The following TROAP variants were observed in gnomAD, a reference collection of about 807,000 sequenced individuals.
TROAP encodes the protein tastin.
In TROAP, 62 loss-of-function variants were observed where a neutral mutation model predicts 83.4. That is an observed-to-expected ratio of 0.74 (90% CI 0.61 to 0.92). The LOEUF (loss-of-function observed/expected upper bound fraction) is 0.92, where lower values mean the gene tolerates loss of function less well. TROAP is among the 40% of genes least tolerant of loss of function. The pLI is 0.00. For missense variants in TROAP, 876 were observed against 985.1 expected, an observed-to-expected ratio of 0.89 and a Z score of 1.48; for synonymous variants, 352 against 386.4, an observed-to-expected ratio of 0.91 and a Z score of 1.04.
At chr12:49,325,285 A>T (rs1020913511) in intron 3 of TROAP, among the ~76,000 whole-genome samples, 1 of 150,796 alleles carries the variant, frequency 6.6e-6, no homozygotes, top group African/African-American at 2.4e-5. Context: ...CAAACTCCTG[A>T]CCACAGGTGA....
At position 49,329,755 on chromosome 12, in the gene TROAP, T is replaced by G; in HGVS notation, c.1165-102T>G. 2 of 1,503,028 alleles carry G rather than the reference T, an allele frequency of 1.3e-6. No homozygotes were observed. Among genetic ancestry groups the G allele is most frequent in the Non-Finnish European group, 1.8e-6 (2 of 1,115,618 alleles). 93.1% of individuals were successfully genotyped at this position (1,503,028 alleles called of 1,614,324 possible). ...CCTCCTAATGTACATCTAGGGCCTCTCAGTTAGGGGCTTCAATCCATTCCT... is the reference window on the plus strand; with the variant it reads ...CCTCCTAATGTACATCTAGGGCCTCGCAGTTAGGGGCTTCAATCCATTCCT... On this transcript the variant is annotated intron_variant, in intron 11 of 14. Coordinates refer to ENST00000257909, the MANE Select transcript of TROAP (RefSeq NM_005480.4). This position sits in a 1 kb window ranked among gnomAD's most constrained non-coding sequence, Gnocchi z 4.5.
In TROAP at chr12:49,325,808, G is replaced by A. The variant is rs1167415687; in HGVS notation, c.557G>A (p.Arg186Lys). 6.8e-6 allele frequency: 11 copies of A among 1,614,012 alleles called. No individual in the cohort carries two copies. The highest frequency in any genetic ancestry group is 8.5e-6 in the Non-Finnish European group (10 of 1,180,022). Reference sequence around the variant, plus strand: ...CCCACCCACCGACTGGACCCTGCCAGGGCTTCCTGCTTCTCTAGGCTGGAG... The same window carrying A: ...CCCACCCACCGACTGGACCCTGCCAAGGCTTCCTGCTTCTCTAGGCTGGAG... The part of the protein sequence containing the change: ...RTPTHRLDPA[R>K]ASCFSRLEGP... The change falls in exon 5 of 15, where the codon AGG becomes AAG. Residue 186 changes from arginine to lysine, a missense_variant. Transcript: ENST00000257909.
chr12:49,324,596 TG>T (rs1421040520), intron 3 of TROAP: 1 of 159,408 alleles, frequency 6.3e-6, no homozygotes, highest in Non-Finnish European at 1.4e-5. Context: ...TATGAACATT[TG>T]GTGACCAGGT....
At position 49,330,261 on chromosome 12, in the gene TROAP, G is replaced by T. The variant is rs960761556; in HGVS notation, c.1416G>T (p.Leu472=). Residue 472 remains leucine (L), a synonymous_variant, in exon 13 of 15, where the codon CTG becomes CTT. Transcript: ENST00000257909. ...SLDMVELQPL[L]TEISRTLNAT... is the part of the protein sequence containing the mutation. ...ATATGGTTGAACTTCAGCCCCTGCTGACTGAGATTTCTAGAACTCTGAATG... is the reference window on the plus strand; with the variant it reads ...ATATGGTTGAACTTCAGCCCCTGCTTACTGAGATTTCTAGAACTCTGAATG... 1.9e-6 allele frequency: 3 copies of T among 1,614,000 alleles called. No individual in the cohort carries two copies. The highest frequency in any genetic ancestry group is 3.3e-5 in the Admixed American group (2 of 59,992).
chr12:49,330,400 G>C lies in TROAP; in HGVS notation c.1555G>C (p.Glu519Gln). Reference sequence around the variant, plus strand: ...GGAACCACAGCCCTGCCCTCCGGCAGAGCCTGGGCCCCCAGAGGCCTTCTG... The same window carrying C: ...GGAACCACAGCCCTGCCCTCCGGCACAGCCTGGGCCCCCAGAGGCCTTCTG... The part of the protein sequence containing the change: ...CGEPQPCPPA[E>Q]PGPPEAFCRS... The change falls in exon 13 of 15, where the codon GAG becomes CAG. Residue 519 changes from glutamate to glutamine, a missense_variant. This residue lies in a region of TROAP where 689 missense variants were observed against 722.6 expected (regional missense o/e 0.95). Coordinates refer to ENST00000257909, the MANE Select transcript of TROAP (RefSeq NM_005480.4). 1.2e-6 allele frequency: 2 copies of C among 1,614,176 alleles called. No homozygotes were observed. The highest frequency in any genetic ancestry group is 1.1e-5 in the South Asian group (1 of 91,090).
Position 49,328,979 on chromosome 12 carries a change from T to C in TROAP, c.944T>C (p.Leu315Ser). 6.2e-7 allele frequency: 1 copy of C among 1,608,876 alleles called. No individual in the cohort carries two copies. ...MPSPAPVAQP[L>S]PGHVVPCPSP... ...TCCCCTGCCCCTGTGGCCCAGCCCT[T>C]GCCTGGCCATGTGGTGCCATGTCCA... Residue 315 changes from leucine to serine, a missense_variant, in exon 9 of 15, where the codon TTG becomes TCG. By Grantham distance (145) the Leu-to-Ser change is moderately radical. Around this residue, in one of 3 missense-constraint regions of TROAP, gnomAD observed 689 missense variants for 722.6 expected, o/e 0.95. Transcript: ENST00000257909.
chr12:49,325,852 C>G lies in TROAP; in HGVS notation c.601C>G (p.Arg201Gly), dbSNP rs201177020. 1.2e-6 allele frequency: 2 copies of G among 1,613,898 alleles called. No individual in the cohort carries two copies. Among genetic ancestry groups the G allele is most frequent in the South Asian group, 1.1e-5 (1 of 91,070 alleles). Residue 201 changes from arginine to glycine, a missense_variant, in exon 5 of 15, where the codon CGG (arginine) becomes GGG (glycine). This residue lies in a region of TROAP where 689 missense variants were observed against 722.6 expected (regional missense o/e 0.95). Transcript: ENST00000257909. ...GCTGGAGGGACCAGGACCTCGAGGC[C>G]GGACATTGTGCCCCCAGAGGCTACA... ...SRLEGPGPRG[R>G]TLCPQRLQAL...
In TROAP at chr12:49,323,901, C is replaced by T. The variant is rs143235641; in HGVS notation, c.201C>T (p.Gly67=). The T allele has an allele frequency of 7.4e-6, 12 of 1,613,950 alleles. No individual in the cohort carries two copies. In the African/African-American group the frequency reaches 1.6e-4, roughly 22 times the overall value. Residue 67 remains glycine (G), a synonymous_variant, in exon 3 of 15, where the codon GGC becomes GGT. Transcript: ENST00000257909. ...NIQRPLVDSA[G]PRPKARHQAE... ...AACGCCCCCTCGTTGATTCAGCAGG[C>T]CCCAGGCCGAAAGCCAGGCACCAGG...
At chr12:49,328,801 T>A in intron 8 of TROAP, 126 bp from the exon 9 acceptor site, 1 of 1,325,570 alleles carries the variant, frequency 7.5e-7, no homozygotes, top group Non-Finnish European at 1.0e-6. Flanking sequence ...GATGCGGAGC[T>A]TGCAGTGAGC....
chr12:49,323,639 C>G lies in TROAP; in HGVS notation c.31C>G (p.Leu11Val). 1 of 1,614,084 alleles carries G rather than the reference C, an allele frequency of 6.2e-7. No individual in the cohort carries two copies. MTTRQATKDPLLRGVSPTPSK... is the reference protein window; with the variant it reads MTTRQATKDPVLRGVSPTPSK... ...CACCCGGCAAGCCACGAAGGATCCC[C>G]TCCTCCGGGGTGTATCTCCTACCCC... is the stretch of plus-strand genomic sequence containing the variant. The change falls in exon 2 of 15, where the codon CTC (leucine) becomes GTC (valine). Residue 11 changes from leucine (L) to valine (V), a missense_variant. Leu to Val is a conservative substitution (Grantham distance 32). Coordinates refer to ENST00000257909, the MANE Select transcript of TROAP (RefSeq NM_005480.4).
At position 49,326,117 on chromosome 12, in the gene TROAP, C is replaced by T; in HGVS notation, c.675C>T (p.Pro225=). ...SGPSFHPSTR[P]SFQELRRETA... ...CTTCCTTTCACCCTTCCACTCGCCC[C>T]AGTTTCCAGGAGCTAAGAAGGGAGA... Residue 225 remains proline, a synonymous_variant, in exon 6 of 15, where the codon CCC becomes CCT. Transcript: ENST00000257909. The T allele has an allele frequency of 6.2e-7, 1 of 1,614,012 alleles. No individual in the cohort carries two copies. The highest frequency in any genetic ancestry group is 8.5e-7 in the Non-Finnish European group (1 of 1,180,036).
intron 6 of TROAP, 62 bp from the exon 7 acceptor site, chr12:49,326,606 G>GC: frequency 6.7e-7 from 1 of 1,494,956 alleles, no homozygotes; most frequent in Non-Finnish European, 9.1e-7. Flanking sequence ...AAAGCACTTA[G>GC]CACATGTCCA....
Position 49,328,899 on chromosome 12 carries a change from C to T in TROAP, c.892-28C>T, listed in dbSNP as rs758892719. ...ATAGGAAGACAAAGGGGGCGGGGAT[C>T]ACTCTTCCACCTTTTTCTTCTTCAC... is the stretch of plus-strand genomic sequence containing the variant. On this transcript the variant is annotated intron_variant, in intron 8 of 14. Transcript: ENST00000257909. 9.3e-6 allele frequency: 14 copies of T among 1,513,328 alleles called. No individual in the cohort carries two copies. The East Asian group carries it at 1.4e-4, about 15-fold the overall frequency. The allele number at this position is 1,513,328 out of a possible 1,614,324, so 93.7% of individuals were successfully genotyped here.
At chr12:49,328,635 C>T (rs1482972924) in intron 8 of TROAP, among the ~76,000 whole-genome samples, 5 of 151,978 alleles carry the variant, frequency 3.3e-5, no homozygotes, top group Admixed American at 1.3e-4. Flanking sequence ...GAGGCCGAGG[C>T]GGGCAGATCA....
In TROAP at chr12:49,329,651, C is replaced by T. The variant is rs1943549776; in HGVS notation, c.1164+197C>T. 3 of 981,544 alleles carry T rather than the reference C, an allele frequency of 3.1e-6. No homozygotes were observed. Among genetic ancestry groups the T allele is most frequent in the Admixed American group, 2.5e-5 (1 of 39,402 alleles). 60.8% of individuals were successfully genotyped at this position (981,544 alleles called of 1,614,324 possible). ...GACCAGCCTGGGCAACATAGTGAGA[C>T]CCTGTCTCCACTAAAATTTTAAAAA... On this transcript the variant is annotated intron_variant, in intron 11 of 14. Transcript: ENST00000257909. The surrounding 1 kb of genome is among the most constrained non-coding windows in gnomAD (Gnocchi z 4.5).
chr12:49,325,576 G>T lies in TROAP; in HGVS notation c.413G>T (p.Ser138Ile), dbSNP rs747836664. The change falls in exon 4 of 15, where the codon AGC becomes ATC. Residue 138 changes from serine to isoleucine, a missense_variant. Ser to Ile is a moderately radical substitution (Grantham distance 142). Around this residue, in one of 3 missense-constraint regions of TROAP, gnomAD observed 689 missense variants for 722.6 expected, o/e 0.95. Coordinates refer to ENST00000257909, the MANE Select transcript of TROAP (RefSeq NM_005480.4). Reference sequence around the variant, plus strand: ...ATCCTGTCAGGTGAGGGTGTGAAGAGCTGTCACCTGGGGCGCCAGCCTAGT... The same window carrying T: ...ATCCTGTCAGGTGAGGGTGTGAAGATCTGTCACCTGGGGCGCCAGCCTAGT... The part of the protein sequence containing the change: ...ATILSGEGVK[S>I]CHLGRQPSLA... The T allele has an allele frequency of 3.1e-6, 5 of 1,613,912 alleles. No homozygotes were observed. The East Asian group carries it at 1.1e-4, about 36-fold the overall frequency.
chr12:49,328,942 C>T lies in TROAP; in HGVS notation c.907C>T (p.His303Tyr). The part of the protein sequence containing the change: ...MSHTRDSHDS[H>Y]LMPSPAPVAQ... ...TTCTTCACAGGACAGCCATGACTCC[C>T]ACCTGATGCCCTCCCCTGCCCCTGT... Residue 303 changes from histidine (H) to tyrosine (Y), a missense_variant, in exon 9 of 15, where the codon CAC becomes TAC. His to Tyr is a moderately conservative substitution (Grantham distance 83). Around this residue, in one of 3 missense-constraint regions of TROAP, gnomAD observed 689 missense variants for 722.6 expected, o/e 0.95. Coordinates refer to ENST00000257909, the MANE Select transcript of TROAP (RefSeq NM_005480.4). 6.3e-7 allele frequency: 1 copy of T among 1,577,980 alleles called. No individual in the cohort carries two copies. The highest frequency in any genetic ancestry group is 1.7e-4 in the Middle Eastern group (1 of 5,884).
chr12:49,330,102 C>A, intron 12 of TROAP, 43 bp from the exon 13 acceptor site: 2 of 1,606,808 alleles, frequency 1.2e-6, no homozygotes, highest in Non-Finnish European at 1.7e-6. Context: ...GACTACTGAA[C>A]GCACATCTTG....
rs2137072770 is a variant in TROAP, at chr12:49,329,756, CAGTT to C, written c.1165-98_1165-95del. On this transcript the variant is annotated intron_variant, in intron 11 of 14. Coordinates refer to ENST00000257909, the MANE Select transcript of TROAP (RefSeq NM_005480.4). This position sits in a 1 kb window ranked among gnomAD's most constrained non-coding sequence, Gnocchi z 4.5. ...CTCCTAATGTACATCTAGGGCCTCT[CAGTT>C]AGGGGCTTCAATCCATTCCTCATGA... 5.3e-6 allele frequency: 8 copies of C among 1,505,936 alleles called. No individual in the cohort carries two copies. Among genetic ancestry groups the C allele is most frequent in the South Asian group, 2.6e-5 (2 of 76,628 alleles). 93.3% of individuals were successfully genotyped at this position (1,505,936 alleles called of 1,614,324 possible).
Sources: gnomAD v4.1 joint callset for allele counts (sites outside exome capture counted in the v4.1 genomes callset) on GRCh38, gnomAD v4.1.1 for gene constraint, gnomAD v4.1.1 regional missense constraint, Gnocchi (gnomAD v3.1) non-coding constraint, MANE v1.5 for transcripts, NCBI Gene and HGNC (gene_info 2026-07-23, HGNC 2026-07-21) for gene names.